The following DOCK3 variants were observed in gnomAD, a reference collection of about 807,000 sequenced individuals.
The protein encoded by DOCK3 is dedicator of cytokinesis protein 3.
DOCK3 carries 60 observed loss-of-function variants against 265.6 expected under a neutral mutation model. The ratio of observed to expected loss-of-function variants is 0.23; its 90% CI spans 0.18 to 0.28. The LOEUF is 0.28. Ranked by LOEUF, DOCK3 falls within the 10% of genes least tolerant of loss-of-function variation. The pLI is 1.00. For synonymous variants in DOCK3, 881 were observed against 938.0 expected, an observed-to-expected ratio of 0.94 and a Z score of 1.11; for missense variants, 1,981 against 2,594.3, an observed-to-expected ratio of 0.76 and a Z score of 5.14.
chr3:50,905,123 C>G (rs1230470695), intron 4 of DOCK3, among the ~76,000 whole-genome samples: 2 of 151,998 alleles, frequency 1.3e-5, no homozygotes, highest in Non-Finnish European at 1.5e-5. Flanking sequence ...TGGTCTATAT[C>G]TCTGTTTTTG....
At chr3:50,834,565 A>G (rs2045390553) in intron 2 of DOCK3, among the ~76,000 whole-genome samples, 1 of 152,202 alleles carries the variant, frequency 6.6e-6, no homozygotes, top group Non-Finnish European at 1.5e-5. Context: ...TAAGCTGAAT[A>G]TGTCATTTTT....
At chr3:51,151,321 AAT>A (rs1353271935) in intron 10 of DOCK3, among the ~76,000 whole-genome samples, 1 of 152,106 alleles carries the variant, frequency 6.6e-6, no homozygotes, top group Non-Finnish European at 1.5e-5. Flanking sequence ...ATTTAAGGTC[AAT>A]ATTGTTATGT....
intron 12 of DOCK3, among the ~76,000 whole-genome samples, chr3:51,196,143 G>A (rs1038603814): frequency 3.4e-5 from 5 of 149,072 alleles, no homozygotes; most frequent in East Asian, 2.0e-4. Flanking sequence ...GTCATGCTGC[G>A]TAGGCTGTTC....
chr3:51,311,091 G>T (rs994424013), intron 28 of DOCK3, among the ~76,000 whole-genome samples: 1 of 152,220 alleles, frequency 6.6e-6, no homozygotes, highest in African/African-American at 2.4e-5. Flanking sequence ...AAGTTGCACA[G>T]ATACTTCCTC....
intron 27 of DOCK3, among the ~76,000 whole-genome samples, chr3:51,296,400 C>A (rs761615669): frequency 2.6e-5 from 4 of 151,160 alleles, no homozygotes; most frequent in Non-Finnish European, 4.4e-5. Context: ...TAACAGTAAT[C>A]AAGATTTGTA....
intron 12 of DOCK3, among the ~76,000 whole-genome samples, chr3:51,165,355 A>G (rs770699677): frequency 6.6e-6 from 1 of 152,240 alleles, no homozygotes; most frequent in Non-Finnish European, 1.5e-5. Flanking sequence ...AAATTGTACA[A>G]CATGATGATT....
At chr3:50,753,280 T>A (rs1010532640) in intron 1 of DOCK3, among the ~76,000 whole-genome samples, 1 of 152,216 alleles carries the variant, frequency 6.6e-6, no homozygotes, top group East Asian at 1.9e-4. Context: ...TTATGTATTT[T>A]ATCTGTAGAA....
intron 32 of DOCK3, among the ~76,000 whole-genome samples, chr3:51,327,027 G>A (rs1480354): frequency 0.87 from 132,698 of 152,162 alleles, 57,963 homozygotes; most frequent in East Asian, 0.94. Flanking sequence ...TGTAATCACT[G>A]GATCAAAGAG....
chr3:51,355,982 A>T, intron 41 of DOCK3, 107 bp from the exon 42 acceptor site: 1 of 1,427,766 alleles, frequency 7.0e-7, no homozygotes, highest in Non-Finnish European at 9.6e-7. Context: ...GGCTGTCAGT[A>T]AGGAGCAGGG....
intron 4 of DOCK3, among the ~76,000 whole-genome samples, chr3:50,905,424 C>T (rs1274953710): frequency 1.3e-5 from 2 of 151,936 alleles, no homozygotes; most frequent in African/African-American, 4.8e-5. Flanking sequence ...TGTTTGTGTC[C>T]TTTTTTATGT....
At chr3:50,896,907 G>C (rs942968124) in intron 4 of DOCK3, among the ~76,000 whole-genome samples, 2 of 152,158 alleles carry the variant, frequency 1.3e-5, no homozygotes, top group Non-Finnish European at 2.9e-5. Context: ...AGTATAGTTT[G>C]AAGTCAGGTA....
chr3:50,777,374 A>G (rs1227159225), intron 1 of DOCK3, among the ~76,000 whole-genome samples: 2 of 151,968 alleles, frequency 1.3e-5, no homozygotes, highest in African/African-American at 2.4e-5. Context: ...GTGATACTTA[A>G]TATTGCTTTG....
intron 6 of DOCK3, among the ~76,000 whole-genome samples, chr3:51,074,000 A>G (rs963692336): frequency 6.6e-6 from 1 of 152,156 alleles, no homozygotes; most frequent in African/African-American, 2.4e-5. Context: ...TGTGCACCTG[A>G]TTTTATTTTC....
rs922504174 is a variant in DOCK3, at chr3:50,956,982, C to G, written c.315+22905C>G. Reference sequence around the variant, plus strand: ...GGTTCAAGCGATTCTCATGCCTCCGCCTTCGCTCCTGGCCTCAAATGATCT... The same window carrying G: ...GGTTCAAGCGATTCTCATGCCTCCGGCTTCGCTCCTGGCCTCAAATGATCT... On this transcript the variant is annotated intron_variant, in intron 5 of 52. Transcript: ENST00000266037. Among the ~76,000 whole-genome samples, 8 of 152,260 alleles carry G rather than the reference C, an allele frequency of 5.3e-5. 1 individual carries two copies. The highest frequency in any genetic ancestry group is 1.9e-4 in the African/African-American group (8 of 41,558).
At chr3:51,123,974 G>T (rs917860228) in intron 9 of DOCK3, among the ~76,000 whole-genome samples, 20 of 152,016 alleles carry the variant, frequency 1.3e-4, no homozygotes, top group Admixed American at 1.2e-3. Flanking sequence ...TAGAATTTTG[G>T]CCCACCATGA....
At chr3:51,101,979 G>A (rs1338685987) in intron 9 of DOCK3, among the ~76,000 whole-genome samples, 1 of 152,172 alleles carries the variant, frequency 6.6e-6, no homozygotes, top group African/African-American at 2.4e-5. Context: ...GAAAATACAA[G>A]CTTGAAGTTT....
intron 6 of DOCK3, among the ~76,000 whole-genome samples, chr3:51,067,151 G>A (rs1010137817): frequency 6.6e-6 from 1 of 152,100 alleles, no homozygotes; most frequent in Admixed American, 6.6e-5. Flanking sequence ...TTGAACTGAT[G>A]ACACTAATAA....
In DOCK3 at chr3:51,341,307, C is replaced by T. The variant is rs903822233; in HGVS notation, c.3837C>T (p.Leu1279=). 2 of 1,613,042 alleles carry T rather than the reference C, an allele frequency of 1.2e-6. No homozygotes were observed. The highest frequency in any genetic ancestry group is 8.5e-7 in the Non-Finnish European group (1 of 1,179,396). ...QWEDRPLREF[L]HYPSQTEWQR... ...AGGACCGGCCACTACGGGAATTCCTCCACTACCCATCGCAGACAGAGTGGC... is the reference window on the plus strand; with the variant it reads ...AGGACCGGCCACTACGGGAATTCCTTCACTACCCATCGCAGACAGAGTGGC... The change falls in exon 38 of 53, where the codon CTC becomes CTT. Residue 1279 remains leucine (L), a synonymous_variant. Coordinates refer to ENST00000266037, the MANE Select transcript of DOCK3 (RefSeq NM_004947.5).
At chr3:50,991,202 A>G (rs2078090994) in intron 5 of DOCK3, among the ~76,000 whole-genome samples, 1 of 152,200 alleles carries the variant, frequency 6.6e-6, no homozygotes, top group South Asian at 2.1e-4. Context: ...AGCCAACATA[A>G]TAACCAGTTA....
Sources: gnomAD v4.1 joint callset for allele counts (sites outside exome capture counted in the v4.1 genomes callset) on GRCh38, gnomAD v4.1.1 for gene constraint, MANE v1.5 for transcripts, NCBI Gene and HGNC (gene_info 2026-07-23, HGNC 2026-07-21) for gene names.